The following ERAP2 variants were observed in gnomAD, a reference collection of about 807,000 sequenced individuals.
The protein encoded by ERAP2 is endoplasmic reticulum aminopeptidase 2, also known as leukocyte-derived arginine aminopeptidase.
A neutral mutation model predicts 111.1 loss-of-function variants in ERAP2; 118 were observed. The observed-to-expected ratio is 1.06, with a 90% confidence interval of 0.92 to 1.24. The LOEUF is 1.24. ERAP2 is among the 50% of genes most tolerant of loss of function. The pLI, the probability that ERAP2 is intolerant of heterozygous loss-of-function variation, is 0.00. For synonymous variants in ERAP2, 410 were observed against 401.2 expected (o/e 1.02, Z -0.26); for missense variants, 1,131 against 1,125.8 (o/e 1.00, Z -0.07).
chr5:96,888,018 G>A (rs913586005), intron 4 of ERAP2, among the ~76,000 whole-genome samples: 2 of 151,916 alleles, frequency 1.3e-5, no homozygotes, highest in Non-Finnish European at 1.5e-5. Flanking sequence ...CCAGCTACTC[G>A]GGAGGCTGAG....
At chr5:96,916,765 CT>C (rs34358677) in intron 18 of ERAP2, among the ~76,000 whole-genome samples, 6,080 of 144,944 alleles carry the variant, frequency 0.042, 681 homozygotes, top group East Asian at 0.41. Context: ...ACCAGCCTAT[CT>C]TTTTTTTTTT....
At chr5:96,877,618 G>A (rs956782862) in intron 1 of ERAP2, among the ~76,000 whole-genome samples, 1 of 152,212 alleles carries the variant, frequency 6.6e-6, no homozygotes, top group Admixed American at 6.5e-5. Context: ...GATAAATGAA[G>A]CTCAAAAAGT....
intron 2 of ERAP2, 131 bp from the exon 3 acceptor site, chr5:96,883,661 T>G: frequency 3.4e-6 from 3 of 871,212 alleles, no homozygotes; most frequent in Non-Finnish European, 5.2e-6. Context: ...CAGTTGAGAT[T>G]CACAAAGATT....
At chr5:96,891,579 A>G (rs1195526742) in intron 5 of ERAP2, among the ~76,000 whole-genome samples, 1 of 151,210 alleles carries the variant, frequency 6.6e-6, no homozygotes, top group East Asian at 1.9e-4. Flanking sequence ...TGGTACACAC[A>G]CACACACACA....
chr5:96,895,463 G>T, intron 7 of ERAP2, 104 bp downstream of exon 7: 1 of 835,898 alleles, frequency 1.2e-6, no homozygotes. Flanking sequence ...ATAATGTTGT[G>T]GTTTTTGAAC....
At chr5:96,904,763 T>C (rs1262315532) in intron 13 of ERAP2, among the ~76,000 whole-genome samples, 1 of 152,236 alleles carries the variant, frequency 6.6e-6, no homozygotes, top group East Asian at 1.9e-4. Context: ...TAGGTAGTTG[T>C]GAAATCTTTT....
chr5:96,910,477 C>T (rs1420277788), intron 15 of ERAP2, among the ~76,000 whole-genome samples: 1 of 150,916 alleles, frequency 6.6e-6, no homozygotes, highest in Non-Finnish European at 1.5e-5. Context: ...TAAAAAAAAA[C>T]CTTTTAAATC....
chr5:96,893,067 T>C (rs1784538173), intron 6 of ERAP2, among the ~76,000 whole-genome samples: 1 of 152,182 alleles, frequency 6.6e-6, no homozygotes, highest in Admixed American at 6.5e-5. Context: ...TATTAGTTAT[T>C]AATGATGATG....
At chr5:96,909,863 AG>A (rs2112347606) in intron 15 of ERAP2, 99 bp downstream of exon 15, 1 of 1,235,128 alleles carries the variant, frequency 8.1e-7, no homozygotes, top group African/African-American at 1.5e-5. Flanking sequence ...TAGTGAGGAT[AG>A]AAAAAAAAAC....
At chr5:96,878,492 C>A (rs1453016024) in intron 1 of ERAP2, among the ~76,000 whole-genome samples, 10 of 152,064 alleles carry the variant, frequency 6.6e-5, no homozygotes, top group Admixed American at 4.6e-4. Flanking sequence ...AGACATCTTG[C>A]ACAGTTTACT....
chr5:96,894,110 G>A (rs1008246425), intron 6 of ERAP2, among the ~76,000 whole-genome samples: 1 of 152,166 alleles, frequency 6.6e-6, no homozygotes, highest in African/African-American at 2.4e-5. Flanking sequence ...TTGTATTGAG[G>A]CAGTGGCTAT....
intron 15 of ERAP2, among the ~76,000 whole-genome samples, chr5:96,910,623 C>T (rs912582170): frequency 6.6e-6 from 1 of 152,136 alleles, no homozygotes; most frequent in East Asian, 1.9e-4. Context: ...TAATCTTAAC[C>T]TGCAGTAACC....
intron 2 of ERAP2, among the ~76,000 whole-genome samples, chr5:96,882,062 A>G (rs1469567592): frequency 6.6e-6 from 1 of 152,090 alleles, no homozygotes; most frequent in Non-Finnish European, 1.5e-5. Context: ...GCCTGCAGCC[A>G]TCCACCTAGG....
intron 2 of ERAP2, chr5:96,881,473 T>G (rs1213968872): frequency 2.2e-6 from 1 of 456,242 alleles, no homozygotes; most frequent in Admixed American, 2.3e-5. Flanking sequence ...CCAGGATCCA[T>G]CTGGGAGGTA....
intron 4 of ERAP2, 93 bp from the exon 5 acceptor site, chr5:96,889,092 T>A: frequency 6.9e-7 from 1 of 1,448,674 alleles, no homozygotes; most frequent in Non-Finnish European, 9.5e-7. Flanking sequence ...CTTGAAAAGA[T>A]ACAGTCTGCC....
intron 5 of ERAP2, among the ~76,000 whole-genome samples, chr5:96,889,827 TACATAC>T (rs1784144871): frequency 1.0e-5 from 1 of 98,872 alleles, no homozygotes; most frequent in African/African-American, 4.5e-5. Context: ...CATTAAAAAA[TACATAC>T]ACACACACAC....
chr5:96,883,817 C>A lies in ERAP2; in HGVS notation c.601C>A (p.Pro201Thr), dbSNP rs1478665830. The A allele has an allele frequency of 6.2e-7, 1 of 1,610,962 alleles. No individual in the cohort carries two copies. The highest frequency in any genetic ancestry group is 8.5e-7 in the Non-Finnish European group (1 of 1,179,176). ...TRILAVTDFE[P>T]TQARMAFPCF... is the part of the protein sequence containing the mutation. ...AATTCTTGCAGTAACAGATTTTGAG[C>A]CAACCCAGGCACGCATGGCTTTCCC... is the stretch of plus-strand genomic sequence containing the variant. Residue 201 changes from proline to threonine, a missense_variant, in exon 3 of 19, where the codon CCA (proline) becomes ACA (threonine). Physicochemically the swap from Pro to Thr is conservative, Grantham distance 38. This residue lies in a region of ERAP2 where 847 missense variants were observed against 856.5 expected (regional missense o/e 0.99). Coordinates refer to ENST00000437043, the MANE Select transcript of ERAP2 (RefSeq NM_022350.5).
In ERAP2 at chr5:96,886,919, C is replaced by T. The variant is rs1379055425; in HGVS notation, c.849+130C>T. ...ATTACAAGAAGAGATAGATAAAAAA[C>T]TAAGTTAAAAATTATCCATAGTCCT... On this transcript the variant is annotated intron_variant, in intron 4 of 18. Coordinates refer to ENST00000437043, the MANE Select transcript of ERAP2 (RefSeq NM_022350.5). 2.4e-5 allele frequency: 22 copies of T among 903,898 alleles called. No homozygotes were observed. In the East Asian group the frequency reaches 5.5e-4, roughly 23 times the overall value. The allele number at this position is 903,898 out of a possible 1,614,324, so 56.0% of individuals were successfully genotyped here.
intron 9 of ERAP2, among the ~76,000 whole-genome samples, chr5:96,898,186 ACT>A (rs1221754804): frequency 1.3e-5 from 2 of 152,042 alleles, no homozygotes; most frequent in Non-Finnish European, 2.9e-5. Context: ...ACAGAGTGAG[ACT>A]CTGTCTCAAT....
Sources: allele counts gnomAD v4.1 joint callset (sites outside exome capture counted in the v4.1 genomes callset), GRCh38; gene constraint gnomAD v4.1.1; regional missense constraint gnomAD v4.1.1; transcripts MANE v1.5; gene names NCBI Gene and HGNC (gene_info 2026-07-23, HGNC 2026-07-21).